The following FAM117B variants were observed in gnomAD, a reference collection of about 807,000 sequenced individuals.
FAM117B encodes family with sequence similarity 117 member B, also known as protein FAM117B.
FAM117B carries 22 observed loss-of-function variants against 52.8 expected under a neutral mutation model. That is an observed-to-expected ratio of 0.42 (90% CI 0.30 to 0.59). FAM117B has a LOEUF of 0.59. Among genes scored for constraint, FAM117B ranks in the 20% least tolerant of loss-of-function variants. FAM117B has a pLI of 0.22. For synonymous variants in FAM117B, 309 were observed against 324.1 expected, an observed-to-expected ratio of 0.95 and a Z score of 0.50; for missense variants, 678 against 802.6, an observed-to-expected ratio of 0.84 and a Z score of 1.88.
intron 6 of FAM117B, 41 bp from the exon 7 acceptor site, chr2:202,759,192 C>A: frequency 6.2e-7 from 1 of 1,608,474 alleles, no homozygotes; most frequent in African/African-American, 1.3e-5. Context: ...TATAGTATGA[C>A]TATACATTTA....
intron 1 of FAM117B, among the ~76,000 whole-genome samples, chr2:202,664,178 G>A (rs1690169660): frequency 1.3e-5 from 2 of 152,138 alleles, no homozygotes; most frequent in Admixed American, 1.3e-4. Context: ...AAGGGTGAGT[G>A]TCATTAGCTC....
chr2:202,635,153 C>T lies in FAM117B; in HGVS notation c.-35C>T, dbSNP rs538081898. Reference sequence around the variant, plus strand: ...CTGCAGCCCAACAACAACAAAACCCCCCGTCTCGCCCAGTCACCGGGGAGG... The same window carrying T: ...CTGCAGCCCAACAACAACAAAACCCTCCGTCTCGCCCAGTCACCGGGGAGG... On this transcript the variant is annotated 5_prime_UTR_variant, in exon 1 of 8. Transcript: ENST00000392238. 4.0e-5 allele frequency: 50 copies of T among 1,257,798 alleles called. 1 individual carries two copies. The South Asian group carries it at 1.2e-3, about 31-fold the overall frequency. 77.9% of individuals were successfully genotyped at this position (1,257,798 alleles called of 1,614,324 possible).
chr2:202,687,787 A>G (rs1200007762), intron 1 of FAM117B, among the ~76,000 whole-genome samples: 2 of 152,200 alleles, frequency 1.3e-5, no homozygotes, highest in African/African-American at 2.4e-5. Context: ...TTAAGTTTCT[A>G]CAATAGTCCT....
intron 4 of FAM117B, among the ~76,000 whole-genome samples, chr2:202,746,286 A>G (rs1691631602): frequency 6.6e-6 from 1 of 152,162 alleles, no homozygotes; most frequent in Non-Finnish European, 1.5e-5. Context: ...CACAGACTAG[A>G]ACTAGGAATC....
intron 1 of FAM117B, among the ~76,000 whole-genome samples, chr2:202,677,156 C>T (rs975667979): frequency 6.6e-6 from 1 of 152,086 alleles, no homozygotes; most frequent in Non-Finnish European, 1.5e-5. Flanking sequence ...CAACCTCCGC[C>T]TCCGGGGTTT....
At chr2:202,732,054 T>C (rs1691360887) in intron 4 of FAM117B, among the ~76,000 whole-genome samples, 1 of 151,292 alleles carries the variant, frequency 6.6e-6, no homozygotes, top group Non-Finnish European at 1.5e-5. Flanking sequence ...TTCTTTTTTT[T>C]TTTTTTTTGT....
At chr2:202,680,479 C>T (rs1174787794) in intron 1 of FAM117B, among the ~76,000 whole-genome samples, 2 of 152,066 alleles carry the variant, frequency 1.3e-5, no homozygotes, top group Non-Finnish European at 2.9e-5. Context: ...AAACTACAAT[C>T]ATGCAGCTCC....
At chr2:202,641,379 G>GT (rs1689767311) in intron 1 of FAM117B, among the ~76,000 whole-genome samples, 1 of 152,136 alleles carries the variant, frequency 6.6e-6, no homozygotes, top group East Asian at 1.9e-4. Context: ...AGGGAGAGAC[G>GT]TAAGTTTTCA....
chr2:202,687,410 T>C (rs576624683), intron 1 of FAM117B, among the ~76,000 whole-genome samples: 1 of 152,146 alleles, frequency 6.6e-6, no homozygotes, highest in South Asian at 2.1e-4. Context: ...CAAAGATGGG[T>C]GCAGATTTAT....
intron 4 of FAM117B, among the ~76,000 whole-genome samples, chr2:202,741,883 A>G (rs1032344144): frequency 1.3e-5 from 2 of 152,192 alleles, no homozygotes; most frequent in Non-Finnish European, 2.9e-5. Flanking sequence ...AGCTAAAATC[A>G]ATACCATTTA....
chr2:202,743,592 A>G lies in FAM117B; in HGVS notation c.961-11946A>G, dbSNP rs760903634. On this transcript the variant is annotated intron_variant, in intron 4 of 7. Coordinates refer to ENST00000392238, the MANE Select transcript of FAM117B (RefSeq NM_173511.4). ...TCCTGAAAAACAGTTCAAAACAGTG[A>G]TATCAAAGAAACTCAATGACATACA... Among the ~76,000 whole-genome samples, 10 of 151,848 alleles carry G rather than the reference A, an allele frequency of 6.6e-5. 1 individual carries two copies. The highest frequency in any genetic ancestry group is 1.5e-4 in the Non-Finnish European group (10 of 68,002).
intron 2 of FAM117B, among the ~76,000 whole-genome samples, chr2:202,724,180 C>T (rs1691199570): frequency 6.6e-6 from 1 of 150,874 alleles, no homozygotes; most frequent in South Asian, 2.1e-4. Flanking sequence ...GCCTCAGCCT[C>T]CTGAGTAGCT....
At chr2:202,656,500 A>G (rs1427676704) in intron 1 of FAM117B, among the ~76,000 whole-genome samples, 1 of 152,110 alleles carries the variant, frequency 6.6e-6, no homozygotes, top group Non-Finnish European at 1.5e-5. Context: ...CAGTTTTTAA[A>G]TATTTTGGGA....
chr2:202,750,834 C>G (rs2105797476), intron 4 of FAM117B, among the ~76,000 whole-genome samples: 1 of 152,150 alleles, frequency 6.6e-6, no homozygotes, highest in Non-Finnish European at 1.5e-5. Flanking sequence ...AAATATAAAT[C>G]TGTGTGTGTG....
At chr2:202,663,430 TTGAAAAGCG>T (rs1690160003) in intron 1 of FAM117B, among the ~76,000 whole-genome samples, 1 of 152,218 alleles carries the variant, frequency 6.6e-6, no homozygotes, top group South Asian at 2.1e-4. Flanking sequence ...CTGGTTTTTA[TTGAAAAGCG>T]TGTATCTTTT....
At chr2:202,741,600 G>A (rs946610710) in intron 4 of FAM117B, among the ~76,000 whole-genome samples, 52 of 150,718 alleles carry the variant, frequency 3.5e-4, no homozygotes, top group African/African-American at 1.2e-3. Context: ...GCAGTGGCGC[G>A]ATCTCGGCTT....
intron 4 of FAM117B, among the ~76,000 whole-genome samples, chr2:202,742,717 T>G (rs981770991): frequency 2.6e-5 from 4 of 151,854 alleles, no homozygotes; most frequent in Non-Finnish European, 4.4e-5. Context: ...AAACCAAGTA[T>G]AAAAACTGAA....
At chr2:202,640,619 C>CTT (rs763962350) in intron 1 of FAM117B, among the ~76,000 whole-genome samples, 1 of 144,294 alleles carries the variant, frequency 6.9e-6, no homozygotes, top group African/African-American at 2.5e-5. Context: ...CAAGGGAATT[C>CTT]TTTTTTTTTT....
intron 4 of FAM117B, among the ~76,000 whole-genome samples, chr2:202,738,433 G>C (rs749062289): frequency 2.6e-5 from 4 of 152,090 alleles, no homozygotes; most frequent in Non-Finnish European, 5.9e-5. Flanking sequence ...ACATCTTTAA[G>C]GGAAATGGAG....
Sources: allele counts gnomAD v4.1 joint callset (sites outside exome capture counted in the v4.1 genomes callset), GRCh38; gene constraint gnomAD v4.1.1; transcripts MANE v1.5; gene names NCBI Gene and HGNC (gene_info 2026-07-23, HGNC 2026-07-21).